The following ZNF483 variants were observed in gnomAD, a reference collection of about 807,000 sequenced individuals.
ZNF483 encodes zinc finger protein 483, also known as zinc finger protein HIT-10.
ZNF483 carries 9 observed loss-of-function variants against 28.6 expected under a neutral mutation model. That is an observed-to-expected ratio of 0.32 (90% CI 0.19 to 0.55). The LOEUF (loss-of-function observed/expected upper bound fraction) is 0.55, where lower values mean the gene tolerates loss of function less well. Among genes scored for constraint, ZNF483 ranks in the 20% least tolerant of loss-of-function variants. ZNF483 has a pLI of 0.93. For missense variants in ZNF483, 675 were observed against 871.7 expected (o/e 0.77, Z 2.84); for synonymous variants, 322 against 306.2 (o/e 1.05, Z -0.54).
chr9:111,536,493 C>G (rs1172636749), intron 5 of ZNF483, among the ~76,000 whole-genome samples: 1 of 152,144 alleles, frequency 6.6e-6, no homozygotes, highest in Non-Finnish European at 1.5e-5. Flanking sequence ...CCACAGCACT[C>G]CAGCCTGGGC....
At chr9:111,563,157 T>A in intron 5 of ZNF483, 1 of 1,614,064 alleles carries the variant, frequency 6.2e-7, no homozygotes, top group Non-Finnish European at 8.5e-7. Flanking sequence ...AATTATCTCC[T>A]TTCAGCATTC....
intron 5 of ZNF483, among the ~76,000 whole-genome samples, chr9:111,573,408 A>G (rs1214667700): frequency 6.6e-6 from 1 of 152,170 alleles, no homozygotes; most frequent in African/African-American, 2.4e-5. Context: ...CTTCCTTTCT[A>G]GCCCCCCCAT....
At chr9:111,539,142 C>G in intron 5 of ZNF483, among the ~76,000 whole-genome samples, 1 of 133,106 alleles carries the variant, frequency 7.5e-6, no homozygotes, top group Non-Finnish European at 1.6e-5. Context: ...AAAAAAACCT[C>G]ATTCAAATCA....
rs571685899 is a variant in ZNF483, at chr9:111,555,247, G to C, written c.*12077G>C. ...AGATAATGCCTCTCATTTCCTGTGGGAATTGTGGTGAATTGATAATCACCT... is the reference window on the plus strand; with the variant it reads ...AGATAATGCCTCTCATTTCCTGTGGCAATTGTGGTGAATTGATAATCACCT... On this transcript the variant is annotated 3_prime_UTR_variant, in exon 6 of 6. Coordinates refer to ENST00000309235, the MANE Select transcript of ZNF483 (RefSeq NM_133464.5). 6.6e-6 allele frequency among the ~76,000 whole-genome samples: 1 copy of C among 152,228 alleles called. No homozygotes were observed. The highest frequency in any genetic ancestry group is 2.1e-4 in the South Asian group (1 of 4,816).
chr9:111,564,199 C>A, intron 5 of ZNF483: 1 of 1,060,222 alleles, frequency 9.4e-7, no homozygotes, highest in Non-Finnish European at 1.2e-6. Flanking sequence ...GATGGCTTAG[C>A]ACTCTTCATG....
rs966811229 is a variant in ZNF483, at chr9:111,551,669, C to T, written c.*8499C>T. ...TGCCTGTCTCGGCCTCCCAAAGTGC[C>T]GGGATTACAGGTGTGAACCGCCACA... On this transcript the variant is annotated 3_prime_UTR_variant, in exon 6 of 6. Transcript: ENST00000309235. Among the ~76,000 whole-genome samples the T allele has an allele frequency of 2.6e-5, 4 of 151,986 alleles. No individual in the cohort carries two copies. Among genetic ancestry groups the T allele is most frequent in the Admixed American group, 6.6e-5 (1 of 15,252 alleles).
exon 6 of ZNF483, chr9:111,576,546 T>G: frequency 8.2e-7 from 1 of 1,223,546 alleles, no homozygotes; most frequent in South Asian, 1.5e-5. Context: ...CTGGGGGTAT[T>G]AGCTAGTGGA....
intron 5 of ZNF483, among the ~76,000 whole-genome samples, chr9:111,565,631 C>T (rs1339857148): frequency 6.6e-6 from 1 of 152,098 alleles, no homozygotes; most frequent in African/African-American, 2.4e-5. Flanking sequence ...TCAGGTGATC[C>T]TCCCACCTCA....
intron 5 of ZNF483, chr9:111,539,470 A>G (rs559859438): frequency 6.6e-6 from 3 of 455,726 alleles, no homozygotes; most frequent in East Asian, 1.4e-4. Flanking sequence ...TAAAGGTTCA[A>G]TAAGAGAATG....
chr9:111,567,142 G>A (rs1269808633), intron 5 of ZNF483, among the ~76,000 whole-genome samples: 1 of 151,824 alleles, frequency 6.6e-6, no homozygotes, highest in Non-Finnish European at 1.5e-5. Flanking sequence ...AATGAAGAGG[G>A]AATGCAACTT....
intron 5 of ZNF483, chr9:111,562,914 C>T: frequency 7.4e-7 from 1 of 1,351,204 alleles, no homozygotes; most frequent in Non-Finnish European, 9.6e-7. Flanking sequence ...CTGTAGTGAA[C>T]AGTGAGGTGA....
At chr9:111,577,497 C>T (rs1829110222) in exon 6 of ZNF483, 1 of 152,146 alleles carries the variant, frequency 6.6e-6, no homozygotes, top group East Asian at 1.9e-4. Context: ...CACACAAAAA[C>T]CTCTGCATGA....
At chr9:111,531,679 C>CT (rs1827350467) in intron 3 of ZNF483, among the ~76,000 whole-genome samples, 1 of 151,958 alleles carries the variant, frequency 6.6e-6, no homozygotes, top group Non-Finnish European at 1.5e-5. Context: ...TCCGGCCTTG[C>CT]TTTTTTTCTT....
chr9:111,544,034 T>C lies in ZNF483; in HGVS notation c.*864T>C. On this transcript the variant is annotated 3_prime_UTR_variant, in exon 6 of 6. Transcript: ENST00000309235. ...TGGGTCAGTGAAGTTCAAACGACTTTTCCTTGAGGGAGTATTTTAATCGGA... is the reference window on the plus strand; with the variant it reads ...TGGGTCAGTGAAGTTCAAACGACTTCTCCTTGAGGGAGTATTTTAATCGGA... 1.0e-6 allele frequency: 1 copy of C among 985,440 alleles called. No individual in the cohort carries two copies. The highest frequency in any genetic ancestry group is 1.2e-6 in the Non-Finnish European group (1 of 829,942). The allele number at this position is 985,440 out of a possible 1,614,324, so 61.0% of individuals were successfully genotyped here.
At chr9:111,526,720 T>G (rs1827192948) in intron 1 of ZNF483, among the ~76,000 whole-genome samples, 1 of 152,176 alleles carries the variant, frequency 6.6e-6, no homozygotes. Flanking sequence ...TGTGAACCTT[T>G]TCTGATAACA....
chr9:111,546,973 A>G lies in ZNF483; in HGVS notation c.*3803A>G, dbSNP rs1827824192. On this transcript the variant is annotated 3_prime_UTR_variant, in exon 6 of 6. Transcript: ENST00000309235. ...TTGTGTTTGGCTTATTCCACTTAGC[A>G]TTATGTTTTCAAGGTTCGGCCGTGT... Among the ~76,000 whole-genome samples the G allele has an allele frequency of 6.6e-6, 1 of 152,188 alleles. No homozygotes were observed. Among genetic ancestry groups the G allele is most frequent in the Non-Finnish European group, 1.5e-5 (1 of 68,002 alleles).
In ZNF483 at chr9:111,544,253, G is replaced by C. The variant is rs568983615; in HGVS notation, c.*1083G>C. On this transcript the variant is annotated 3_prime_UTR_variant, in exon 6 of 6. Coordinates refer to ENST00000309235, the MANE Select transcript of ZNF483 (RefSeq NM_133464.5). The stretch of plus-strand genomic sequence containing the variant: ...AAAAATTCTACTTTAAAACAATTTT[G>C]CCTGTAGCAAGTACATTTTTTTGCA... The C allele has an allele frequency of 1.0e-6, 1 of 985,304 alleles. No homozygotes were observed. Among genetic ancestry groups the C allele is most frequent in the East Asian group, 1.1e-4 (1 of 8,814 alleles). The allele number at this position is 985,304 out of a possible 1,614,324, so 61.0% of individuals were successfully genotyped here. A position where few individuals can be genotyped will look rare whatever the true frequency, so the allele number is the denominator to read the frequency against.
At position 111,547,308 on chromosome 9, in the gene ZNF483, T is replaced by C. The variant is rs959817684; in HGVS notation, c.*4138T>C. On this transcript the variant is annotated 3_prime_UTR_variant, in exon 6 of 6. Coordinates refer to ENST00000309235, the MANE Select transcript of ZNF483 (RefSeq NM_133464.5). ...GTATCCCCGCCCTTGCTAACACTTA[T>C]TTTCTATTTCTTTTTTATAATAGAC... Among the ~76,000 whole-genome samples the C allele has an allele frequency of 6.6e-6, 1 of 152,264 alleles. No homozygotes were observed. The highest frequency in any genetic ancestry group is 1.5e-5 in the Non-Finnish European group (1 of 67,978).
downstream of ZNF483, among the ~76,000 whole-genome samples, chr9:111,558,832 A>G (rs1405983479): frequency 6.6e-6 from 1 of 152,154 alleles, no homozygotes; most frequent in African/African-American, 2.4e-5. Flanking sequence ...TAACACCACA[A>G]GGTTCTTCCC....
Sources: allele counts gnomAD v4.1 joint callset (sites outside exome capture counted in the v4.1 genomes callset), GRCh38; gene constraint gnomAD v4.1.1; transcripts MANE v1.5; gene names NCBI Gene and HGNC (gene_info 2026-07-23, HGNC 2026-07-21).